C4orf17: variants seen among roughly 807,000 people sequenced by gnomAD.
C4orf17 encodes chromosome 4 open reading frame 17.
Under a neutral mutation model 32.0 loss-of-function variants are expected in C4orf17, and 25 were observed. The observed-to-expected ratio is 0.78, with a 90% confidence interval of 0.57 to 1.09. The LOEUF (loss-of-function observed/expected upper bound fraction) is 1.09. Ranked by LOEUF, C4orf17 falls within the 50% of genes least tolerant of loss-of-function variation. The pLI is 0.00. For missense variants in C4orf17, 420 were observed against 420.0 expected (o/e 1.00, Z 0.00); for synonymous variants, 149 against 145.8 (o/e 1.02, Z -0.16).
intron 2 of C4orf17, 91 bp from the exon 3 acceptor site, chr4:99,522,409 G>C (rs1468766798): frequency 1.0e-6 from 1 of 982,726 alleles, no homozygotes; most frequent in Non-Finnish European, 1.5e-6. Flanking sequence ...ATGATATTTG[G>C]TTGGGAAATT....
At chr4:99,512,357 A>C (rs1723106045) in intron 1 of C4orf17, among the ~76,000 whole-genome samples, 1 of 152,188 alleles carries the variant, frequency 6.6e-6, no homozygotes, top group East Asian at 1.9e-4. Context: ...GAATTCACCA[A>C]GATACATAAC....
chr4:99,539,491 A>C, intron 7 of C4orf17, 121 bp downstream of exon 7: 1 of 703,928 alleles, frequency 1.4e-6, no homozygotes, highest in Non-Finnish European at 2.5e-6. Context: ...TTTATTCAGT[A>C]AGTGACTGCA....
At chr4:99,537,844 G>A (rs938350578) in intron 6 of C4orf17, 94 bp downstream of exon 6, 2 of 902,102 alleles carry the variant, frequency 2.2e-6, no homozygotes, top group South Asian at 2.7e-5. Flanking sequence ...CCTTGGATTT[G>A]CAAAGATAAT....
At chr4:99,527,667 C>T (rs10007975) in intron 4 of C4orf17, among the ~76,000 whole-genome samples, 40,721 of 152,090 alleles carry the variant, frequency 0.27, 5,648 homozygotes, top group South Asian at 0.35. Flanking sequence ...AGAACTCAGG[C>T]GGTAATGCTC....
intron 5 of C4orf17, among the ~76,000 whole-genome samples, chr4:99,535,580 A>C (rs947853329): frequency 1.3e-5 from 2 of 152,058 alleles, no homozygotes; most frequent in African/African-American, 4.8e-5. Flanking sequence ...TTTCAGCTCC[A>C]TCAGGTCAGT....
intron 7 of C4orf17, among the ~76,000 whole-genome samples, chr4:99,539,644 G>GC (rs1388454334): frequency 1.3e-5 from 2 of 152,128 alleles, no homozygotes; most frequent in Admixed American, 6.5e-5. Context: ...TAAGGGAAAA[G>GC]CAAGAGTGGC....
chr4:99,523,713 T>C (rs1723335538), intron 3 of C4orf17, among the ~76,000 whole-genome samples: 1 of 152,154 alleles, frequency 6.6e-6, no homozygotes, highest in Non-Finnish European at 1.5e-5. Context: ...CTTTTATCTA[T>C]AAATTAATGT....
intron 3 of C4orf17, among the ~76,000 whole-genome samples, chr4:99,524,042 C>T (rs910512599): frequency 1.4e-5 from 2 of 139,848 alleles, no homozygotes; most frequent in African/African-American, 5.4e-5. Flanking sequence ...TGCAGTGGTG[C>T]AATCTCCGCT....
At chr4:99,539,122 C>T in intron 6 of C4orf17, 41 bp from the exon 7 acceptor site, 1 of 1,558,988 alleles carries the variant, frequency 6.4e-7, no homozygotes, top group Non-Finnish European at 8.8e-7. Context: ...ATGATAATTG[C>T]AACCTTCACT....
At position 99,539,391 on chromosome 4, in the gene C4orf17, C is replaced by T. The variant is rs777326425; in HGVS notation, c.836+21C>T. 2.5e-6 allele frequency: 4 copies of T among 1,572,546 alleles called. 1 individual carries two copies. The South Asian group carries it at 4.4e-5, about 17-fold the overall frequency. ...ACCAGGTAATTAGATATAATGGCCC[C>T]CTAGAGGGAGGGCCTATGGCACATG... On this transcript the variant is annotated intron_variant, in intron 7 of 8. Transcript: ENST00000326581.
chr4:99,537,130 T>G (rs1377160627), intron 5 of C4orf17, among the ~76,000 whole-genome samples: 1 of 152,186 alleles, frequency 6.6e-6, no homozygotes, highest in Non-Finnish European at 1.5e-5. Context: ...ACCTTAGACC[T>G]TGGTACCTGA....
chr4:99,515,894 T>C (rs1025008869), intron 2 of C4orf17, among the ~76,000 whole-genome samples: 1 of 152,188 alleles, frequency 6.6e-6, no homozygotes, highest in African/African-American at 2.4e-5. Flanking sequence ...CTGTTGCACC[T>C]GTGCAGATAC....
Position 99,513,165 on chromosome 4 carries a change from A to T in C4orf17, c.84A>T (p.Leu28=). ...HIMARNVSCF[L]VRHTPHPRRV... Reference sequence around the variant, plus strand: ...TGGCTAGAAATGTAAGCTGCTTTCTAGTCAGGCACACCCCTCATCCCAGAA... The same window carrying T: ...TGGCTAGAAATGTAAGCTGCTTTCTTGTCAGGCACACCCCTCATCCCAGAA... The change falls in exon 2 of 9, where the codon CTA becomes CTT. Residue 28 remains leucine, a synonymous_variant. Transcript: ENST00000326581. 1 of 1,613,924 alleles carries T rather than the reference A, an allele frequency of 6.2e-7. No homozygotes were observed. Among genetic ancestry groups the T allele is most frequent in the Non-Finnish European group, 8.5e-7 (1 of 1,179,854 alleles).
rs780912594 is a variant in C4orf17 at position 99,524,547 on chromosome 4, T to C, written c.364T>C (p.Phe122Leu). The change falls in exon 4 of 9, where the codon TTC (phenylalanine) becomes CTC (leucine). Residue 122 changes from phenylalanine (F) to leucine (L), a missense_variant. By Grantham distance (22) the Phe-to-Leu change is conservative (BLOSUM62 0). Transcript: ENST00000326581. ...SEPSRKIKECFKTSSENPLVI... is the reference protein window; with the variant it reads ...SEPSRKIKECLKTSSENPLVI... The stretch of plus-strand genomic sequence containing the variant: ...GCCCAGTAGAAAAATTAAAGAGTGC[T>C]TCAAAACTTCCAGTGAGAATCCCTT... The C allele has an allele frequency of 1.9e-6, 3 of 1,604,778 alleles. No individual in the cohort carries two copies. Among genetic ancestry groups the C allele is most frequent in the African/African-American group, 2.7e-5 (2 of 74,746 alleles).
In C4orf17 at chr4:99,528,794, C is replaced by A. The variant is rs189538437; in HGVS notation, c.403-1021C>A. On this transcript the variant is annotated intron_variant, in intron 4 of 8. Coordinates refer to ENST00000326581, the MANE Select transcript of C4orf17 (RefSeq NM_032149.3). ...CTTTCATGGGAATGGTATGGGGGAA[C>A]CTGACCCCATGATTCAATTAACTCC... 2.8e-3 allele frequency among the ~76,000 whole-genome samples: 433 copies of A among 152,220 alleles called. 8 individuals carry two copies. The highest frequency in any genetic ancestry group is 0.026 in the Admixed American group (400 of 15,296).
intron 7 of C4orf17, 135 bp from the exon 8 acceptor site, chr4:99,540,277 C>T: frequency 1.8e-6 from 1 of 541,162 alleles, no homozygotes; most frequent in East Asian, 2.9e-5. Flanking sequence ...ATACTGTATG[C>T]ATTAAAAAAA....
intron 4 of C4orf17, among the ~76,000 whole-genome samples, chr4:99,525,615 A>C (rs570974509): frequency 6.6e-6 from 1 of 152,158 alleles, no homozygotes; most frequent in South Asian, 2.1e-4. Context: ...CAACATGGTG[A>C]AACCCCGTCT....
Position 99,522,719 on chromosome 4 carries a change from G to A in C4orf17, c.337+10G>A. 1.2e-6 allele frequency: 2 copies of A among 1,607,410 alleles called. No homozygotes were observed. Among genetic ancestry groups the A allele is most frequent in the South Asian group, 1.1e-5 (1 of 90,668 alleles). On this transcript the variant is annotated intron_variant, in intron 3 of 8. Coordinates refer to ENST00000326581, the MANE Select transcript of C4orf17 (RefSeq NM_032149.3). ...CCACGGCCTCATTCTGGTGAGTTGA[G>A]TTAGAACTGATGAAATGTTTCCTTA...
chr4:99,539,062 G>A (rs1173267596), intron 6 of C4orf17, 101 bp from the exon 7 acceptor site: 3 of 1,059,346 alleles, frequency 2.8e-6, no homozygotes, highest in Non-Finnish European at 4.2e-6. Flanking sequence ...GAAAATAGAT[G>A]ACCAGTCTTT....
Sources: gnomAD v4.1 joint callset for allele counts (sites outside exome capture counted in the v4.1 genomes callset) on GRCh38, gnomAD v4.1.1 for gene constraint, MANE v1.5 for transcripts, NCBI Gene and HGNC (gene_info 2026-07-23, HGNC 2026-07-21) for gene names.